KALRN: variants seen among roughly 807,000 people sequenced by gnomAD.
KALRN encodes kalirin RhoGEF kinase, also known as kalirin.
In KALRN, 70 loss-of-function variants were observed where a neutral mutation model predicts 353.7. The observed-to-expected ratio is 0.20, with a 90% CI of 0.16 to 0.24. The LOEUF (loss-of-function observed/expected upper bound fraction) is 0.24, where lower values mean the gene tolerates loss of function less well. Among genes scored for constraint, KALRN ranks in the 10% least tolerant of loss-of-function variants. The pLI is 1.00. For synonymous variants in KALRN, 1,391 were observed against 1,434.8 expected (o/e 0.97, Z 0.69); for missense variants, 2,791 against 3,756.7 (o/e 0.74, Z 6.72).
chr3:124,544,479 T>G (rs1233575019), intron 33 of KALRN, among the ~76,000 whole-genome samples: 1 of 152,184 alleles, frequency 6.6e-6, no homozygotes, highest in Non-Finnish European at 1.5e-5. Context: ...GAGAATCACT[T>G]GTACCCGGGA....
intron 1 of KALRN, among the ~76,000 whole-genome samples, chr3:124,179,923 G>GT (rs1373021162): frequency 2.0e-5 from 3 of 152,230 alleles, no homozygotes; most frequent in African/African-American, 7.2e-5. Flanking sequence ...CGCAGAAAGT[G>GT]TAACTGTGGA....
At chr3:124,167,485 G>A (rs1429604055) in intron 1 of KALRN, among the ~76,000 whole-genome samples, 1 of 152,190 alleles carries the variant, frequency 6.6e-6, no homozygotes, top group Non-Finnish European at 1.5e-5. Flanking sequence ...TGAAATAAAG[G>A]GGTTGAGCTA....
chr3:124,269,980 C>T (rs1258231463), intron 5 of KALRN, among the ~76,000 whole-genome samples: 1 of 152,144 alleles, frequency 6.6e-6, no homozygotes, highest in Non-Finnish European at 1.5e-5. Flanking sequence ...TTTTTTCCAG[C>T]AGTGAATTTT....
At chr3:124,176,113 GA>G (rs2072701674) in intron 1 of KALRN, among the ~76,000 whole-genome samples, 1 of 152,066 alleles carries the variant, frequency 6.6e-6, no homozygotes, top group Non-Finnish European at 1.5e-5. Context: ...AAAGCCCCCT[GA>G]CCAGCCTCTC....
intron 1 of KALRN, among the ~76,000 whole-genome samples, chr3:124,209,471 A>G (rs1343618706): frequency 2.1e-5 from 3 of 141,176 alleles, no homozygotes; most frequent in Non-Finnish European, 4.5e-5. Flanking sequence ...CCTGGGCAAC[A>G]GAGCAAGACT....
rs190483474 is a variant in KALRN, at chr3:124,658,407, A to C, written c.6037-24A>C. On this transcript the variant is annotated intron_variant, in intron 41 of 59. Transcript: ENST00000682506. ...AAAGACACAAGATGCCTGACTGTCC[A>C]CATGTCTCTCTCTGCTCTTTCAGGA... The C allele has an allele frequency of 8.6e-5, 135 of 1,569,000 alleles. No homozygotes were observed. The African/African-American group carries it at 1.7e-3, about 20-fold the overall frequency.
intron 1 of KALRN, among the ~76,000 whole-genome samples, chr3:124,107,659 A>G (rs1271709446): frequency 2.0e-5 from 3 of 152,192 alleles, no homozygotes; most frequent in Non-Finnish European, 4.4e-5. Flanking sequence ...AGAATCCCAG[A>G]CAAATGCTGC....
chr3:124,465,846 T>C (rs2060280953), intron 25 of KALRN, among the ~76,000 whole-genome samples: 2 of 152,088 alleles, frequency 1.3e-5, no homozygotes, highest in Non-Finnish European at 1.5e-5. Context: ...TATTGGGAGA[T>C]TGAGAGATTG....
chr3:124,186,937 C>G (rs1027443676), intron 1 of KALRN, among the ~76,000 whole-genome samples: 6 of 152,062 alleles, frequency 3.9e-5, no homozygotes, highest in Non-Finnish European at 7.4e-5. Flanking sequence ...GGGAATGATG[C>G]TGAATTATGC....
chr3:124,106,344 A>G (rs2062309531), intron 1 of KALRN, among the ~76,000 whole-genome samples: 1 of 152,232 alleles, frequency 6.6e-6, no homozygotes, highest in Non-Finnish European at 1.5e-5. Flanking sequence ...GGAATAGTTC[A>G]AGACCTTGGA....
intron 38 of KALRN, among the ~76,000 whole-genome samples, chr3:124,653,809 A>G (rs921338371): frequency 6.6e-6 from 1 of 152,266 alleles, no homozygotes; most frequent in Non-Finnish European, 1.5e-5. Flanking sequence ...ATAAGAACTT[A>G]TCATGAAAAA....
chr3:124,280,891 A>T (rs1038364427), intron 5 of KALRN, among the ~76,000 whole-genome samples: 1 of 152,088 alleles, frequency 6.6e-6, no homozygotes, highest in Non-Finnish European at 1.5e-5. Context: ...GTTCAACCCC[A>T]TTCCTGTATC....
At chr3:124,554,156 G>A (rs1206359102) in intron 33 of KALRN, among the ~76,000 whole-genome samples, 2 of 152,202 alleles carry the variant, frequency 1.3e-5, no homozygotes, top group Non-Finnish European at 2.9e-5. Context: ...AGGAGTTCGA[G>A]ACCAGCCTGG....
At chr3:124,432,772 C>CTCACTAAGCATA (rs1482249429) in intron 16 of KALRN, among the ~76,000 whole-genome samples, 17 of 152,284 alleles carry the variant, frequency 1.1e-4, no homozygotes, top group African/African-American at 3.8e-4. Context: ...AGAATAGAGG[C>CTCACTAAGCATA]TCACTAAGCA....
intron 1 of KALRN, among the ~76,000 whole-genome samples, chr3:124,188,859 C>T (rs751561838): frequency 3.5e-4 from 54 of 152,174 alleles, no homozygotes; most frequent in Admixed American, 6.5e-4. Context: ...ACTTCTTACC[C>T]CCAAGTCCCA....
At chr3:124,040,960 G>A (rs973519923) in intron 1 of KALRN, among the ~76,000 whole-genome samples, 1 of 152,188 alleles carries the variant, frequency 6.6e-6, no homozygotes. Context: ...GCATCAGAAG[G>A]CTAGGTTTTG....
intron 33 of KALRN, among the ~76,000 whole-genome samples, chr3:124,562,459 G>T (rs1015014280): frequency 2.6e-4 from 40 of 152,052 alleles, no homozygotes; most frequent in African/African-American, 9.2e-4. Flanking sequence ...AGGAGTAAAG[G>T]GGCATATAGG....
chr3:124,096,285 T>A (rs2149394010), intron 1 of KALRN: 1 of 152,326 alleles, frequency 6.6e-6, no homozygotes, highest in African/African-American at 2.4e-5. Flanking sequence ...AGGGGCTAAG[T>A]GAGAAACTAC....
At chr3:124,352,584 TAAAG>T (rs2082943020) in intron 10 of KALRN, among the ~76,000 whole-genome samples, 1 of 152,150 alleles carries the variant, frequency 6.6e-6, no homozygotes, top group Non-Finnish European at 1.5e-5. Flanking sequence ...AAGAAAGACT[TAAAG>T]AAATAGAAAA....
Sources: allele counts gnomAD v4.1 joint callset (sites outside exome capture counted in the v4.1 genomes callset), GRCh38; gene constraint gnomAD v4.1.1; transcripts MANE v1.5; gene names NCBI Gene and HGNC (gene_info 2026-07-23, HGNC 2026-07-21).